Variants in SETD4 observed in about 807,000 individuals in gnomAD.
SETD4 encodes the protein SET domain-containing protein 4.
A neutral mutation model predicts 58.3 loss-of-function variants in SETD4; 46 were observed. That is an observed-to-expected ratio of 0.79 (90% CI 0.62 to 1.01). SETD4 has a LOEUF of 1.01. Ranked by LOEUF, SETD4 falls within the 50% of genes least tolerant of loss-of-function variation. The pLI, the probability that SETD4 is intolerant of heterozygous loss-of-function variation, is 0.00. For synonymous variants in SETD4, 190 were observed against 202.6 expected (o/e 0.94, Z 0.53); for missense variants, 490 against 523.3 (o/e 0.94, Z 0.62).
intron 7 of SETD4, chr21:36,042,527 G>A (rs1054592582): frequency 2.0e-5 from 3 of 152,136 alleles, no homozygotes; most frequent in Non-Finnish European, 4.4e-5. Context: ...CTAGCAGCAA[G>A]ACCCAGTTTT....
chr21:36,050,774 T>G, intron 4 of SETD4: 1 of 1,612,360 alleles, frequency 6.2e-7, no homozygotes, highest in Non-Finnish European at 8.5e-7. Context: ...TTATTTGCCA[T>G]GAAGCGCCAT....
Position 36,058,829 on chromosome 21 carries a change from A to G in SETD4, c.60T>C (p.Ser20=). The change falls in exon 2 of 12, where the codon TCT becomes TCC. Residue 20 remains serine, a synonymous_variant. Coordinates refer to ENST00000332131, the MANE Select transcript of SETD4 (RefSeq NM_017438.5). ...GAAAAACCATACCTCCTCTTGATTC[A>G]GAACTTCCGCAGAGTTTTCGTCTTC... ...RIRRRKLCGS[S]ESRGVNESHK... is the part of the protein sequence containing the mutation. 6.2e-7 allele frequency: 1 copy of G among 1,601,218 alleles called. No homozygotes were observed. The highest frequency in any genetic ancestry group is 8.5e-7 in the Non-Finnish European group (1 of 1,175,624).
chr21:36,060,493 G>C lies in SETD4; in HGVS notation c.-183C>G, dbSNP rs2065238715. 6.6e-6 allele frequency: 1 copy of C among 152,452 alleles called. No homozygotes were observed. The highest frequency in any genetic ancestry group is 1.5e-5 in the Non-Finnish European group (1 of 68,224). 9.4% of individuals were successfully genotyped at this position (152,452 alleles called of 1,614,324 possible). A position where few individuals can be genotyped will look rare whatever the true frequency, so the allele number is the denominator to read the frequency against. ...AGGCTGAAGGCTGTCGCGCCTGCCT[G>C]GTGTCCTTAAGCAATCCAAGTCCTC... On this transcript the variant is annotated 5_prime_UTR_variant, in exon 1 of 12. Coordinates refer to ENST00000332131, the MANE Select transcript of SETD4 (RefSeq NM_017438.5).
chr21:36,045,455 C>T (rs1414650170), intron 6 of SETD4, 127 bp downstream of exon 6: 1 of 1,190,580 alleles, frequency 8.4e-7, no homozygotes, highest in Admixed American at 2.3e-5. Context: ...TCAGGCCAAC[C>T]TGACAGGGTC....
At position 36,057,126 on chromosome 21, in the gene SETD4, G is replaced by A. The variant is rs771217411; in HGVS notation, c.152C>T (p.Ala51Val). 75 of 1,613,880 alleles carry A rather than the reference G, an allele frequency of 4.6e-5. No homozygotes were observed. Among genetic ancestry groups the A allele is most frequent in the Middle Eastern group, 1.6e-4 (1 of 6,084 alleles). The change falls in exon 3 of 12, where the codon GCG becomes GTG. Residue 51 changes from alanine to valine, a missense_variant. By Grantham distance (64) the Ala-to-Val change is moderately conservative. Coordinates refer to ENST00000332131, the MANE Select transcript of SETD4 (RefSeq NM_017438.5). ...KARKFQDSNL[A>V]PACFPGTGRG... ...GATCTTACCTGGAAAACAAGCAGGCGCTAAGTTTGAATCTTGAAACTTCCT... is the reference window on the plus strand; with the variant it reads ...GATCTTACCTGGAAAACAAGCAGGCACTAAGTTTGAATCTTGAAACTTCCT...
At chr21:36,036,290 C>CAT (rs759672100) in intron 10 of SETD4, 39 bp from the exon 11 acceptor site, 102 of 1,455,152 alleles carry the variant, frequency 7.0e-5, no homozygotes, top group East Asian at 1.2e-4. Context: ...TGTAGTAAAA[C>CAT]ATATATATAT....
At chr21:36,038,696 G>C (rs548187233) in intron 9 of SETD4, among the ~76,000 whole-genome samples, 2 of 152,192 alleles carry the variant, frequency 1.3e-5, no homozygotes, top group Non-Finnish European at 2.9e-5. Flanking sequence ...GTCCAAAATA[G>C]TAGCAAACTG....
At chr21:36,051,226 C>G in intron 4 of SETD4, 1 of 1,605,846 alleles carries the variant, frequency 6.2e-7, no homozygotes, top group Non-Finnish European at 8.5e-7. Context: ...GGTCCCCCAG[C>G]CAGCACTGCT....
intron 11 of SETD4, 40 bp downstream of exon 11, chr21:36,036,045 T>C: frequency 6.3e-7 from 1 of 1,587,580 alleles, no homozygotes; most frequent in Admixed American, 1.7e-5. Flanking sequence ...ATAAATTTAG[T>C]CCATCAAACC....
At chr21:36,048,717 CTT>C (rs5843739) in intron 4 of SETD4, among the ~76,000 whole-genome samples, 8 of 129,724 alleles carry the variant, frequency 6.2e-5, no homozygotes, top group Admixed American at 1.6e-4. Flanking sequence ...TGTTTCTTCA[CTT>C]TTTTTTTTTT....
chr21:36,041,717 G>A (rs573935757), intron 8 of SETD4, 90 bp downstream of exon 8: 4 of 826,446 alleles, frequency 4.8e-6, no homozygotes, highest in Admixed American at 5.2e-5. Context: ...AGGGTCAGGA[G>A]GGGTCTCACC....
At chr21:36,055,507 G>A (rs551934544) in intron 3 of SETD4, among the ~76,000 whole-genome samples, 1 of 152,184 alleles carries the variant, frequency 6.6e-6, no homozygotes. Flanking sequence ...AGGCAGAAAA[G>A]AAGAGAGAGT....
At position 36,038,220 on chromosome 21, in the gene SETD4, T is replaced by C; in HGVS notation, c.1118A>G (p.Lys373Arg). The C allele has an allele frequency of 6.2e-7, 1 of 1,614,176 alleles. No individual in the cohort carries two copies. Among genetic ancestry groups the C allele is most frequent in the Non-Finnish European group, 8.5e-7 (1 of 1,180,022 alleles). ...LGEVISDTNE[K>R]TSLDIAQKIC... The stretch of plus-strand genomic sequence containing the variant: ...TTTCTGGGCTATGTCCAAACTTGTC[T>C]TCTCATTCGTATCTGAAATTACCTC... Residue 373 changes from lysine (K) to arginine (R), a missense_variant, in exon 10 of 12, where the codon AAG becomes AGG. Lys to Arg is a conservative substitution (Grantham distance 26). Coordinates refer to ENST00000332131, the MANE Select transcript of SETD4 (RefSeq NM_017438.5).
At chr21:36,048,211 TG>T in intron 5 of SETD4, 96 bp downstream of exon 5, 1 of 988,492 alleles carries the variant, frequency 1.0e-6, no homozygotes, top group Non-Finnish European at 1.6e-6. Context: ...TACAAGGGAC[TG>T]GGTTCTAATG....
Position 36,034,959 on chromosome 21 carries a change from A to G in SETD4, c.*1034T>C, listed in dbSNP as rs1324020115. ...GGAAAGATGTTCAAGAAATCATGAG[A>G]AAGTTTTATTTTAAACTCTGCCTGC... On this transcript the variant is annotated 3_prime_UTR_variant, in exon 12 of 12. Transcript: ENST00000332131. 1 of 152,246 alleles carries G rather than the reference A, an allele frequency of 6.6e-6. No individual in the cohort carries two copies. The highest frequency in any genetic ancestry group is 2.4e-5 in the African/African-American group (1 of 41,472). 9.4% of individuals were successfully genotyped at this position (152,246 alleles called of 1,614,324 possible).
At chr21:36,048,206 G>A (rs1601245331) in intron 5 of SETD4, 102 bp downstream of exon 5, 1 of 975,558 alleles carries the variant, frequency 1.0e-6, no homozygotes, top group Non-Finnish European at 1.7e-6. Context: ...AGCTCTACAA[G>A]GGACTGGGTT....
At chr21:36,039,988 C>T (rs947052581) in intron 9 of SETD4, among the ~76,000 whole-genome samples, 11 of 152,200 alleles carry the variant, frequency 7.2e-5, no homozygotes, top group African/African-American at 2.7e-4. Context: ...GGCTGCTCTC[C>T]CTGCCAGGGA....
chr21:36,043,760 T>C (rs199765326), intron 7 of SETD4, 22 bp downstream of exon 7: 2 of 1,612,748 alleles, frequency 1.2e-6, no homozygotes, highest in Admixed American at 3.3e-5. Flanking sequence ...GTGTTAATGT[T>C]AAGAACAAAG....
chr21:36,036,453 C>A (rs1487730409), intron 10 of SETD4: 9 of 297,034 alleles, frequency 3.0e-5, no homozygotes, highest in Non-Finnish European at 4.0e-5. Context: ...ACATCAATAA[C>A]CCTATTCCCC....
Sources: gnomAD v4.1 joint callset for allele counts (sites outside exome capture counted in the v4.1 genomes callset) on GRCh38, gnomAD v4.1.1 for gene constraint, MANE v1.5 for transcripts, NCBI Gene and HGNC (gene_info 2026-07-23, HGNC 2026-07-21) for gene names.